The following FGF12 variants were observed in gnomAD, a reference collection of about 807,000 sequenced individuals.
FGF12 encodes the protein fibroblast growth factor 12B.
A neutral mutation model predicts 23.6 loss-of-function variants in FGF12; 14 were observed. That is an observed-to-expected ratio of 0.59 (90% CI 0.39 to 0.93). The LOEUF (loss-of-function observed/expected upper bound fraction) is 0.93. FGF12 is among the 40% of genes least tolerant of loss of function. FGF12 has a pLI of 0.00. For missense variants in FGF12, 175 were observed against 217.8 expected (o/e 0.80, Z 1.24); for synonymous variants, 62 against 77.3 (o/e 0.80, Z 1.04).
At chr3:192,536,259 T>C (rs2108853802) in intron 2 of FGF12, among the ~76,000 whole-genome samples, 1 of 152,298 alleles carries the variant, frequency 6.6e-6, no homozygotes, top group Middle Eastern at 3.4e-3. Flanking sequence ...AAAGGCTATA[T>C]GGTCCATAAA....
At chr3:192,313,214 G>T (rs1162717013) in intron 4 of FGF12, among the ~76,000 whole-genome samples, 2 of 152,034 alleles carry the variant, frequency 1.3e-5, no homozygotes, top group African/African-American at 4.8e-5. Flanking sequence ...GAGATGGAAG[G>T]TTTTTCATTT....
intron 2 of FGF12, among the ~76,000 whole-genome samples, chr3:192,497,021 T>C (rs1220620486): frequency 2.6e-5 from 4 of 152,210 alleles, no homozygotes; most frequent in African/African-American, 7.2e-5. Context: ...TGCTGATGAA[T>C]CACACACTCA....
intron 5 of FGF12, among the ~76,000 whole-genome samples, chr3:192,159,278 T>A (rs2108601595): frequency 6.6e-6 from 1 of 152,260 alleles, no homozygotes; most frequent in South Asian, 2.1e-4. Context: ...AAAGATCAAT[T>A]CTCATTTAGC....
At chr3:192,338,744 C>T (rs1717544726) in intron 3 of FGF12, among the ~76,000 whole-genome samples, 3 of 152,276 alleles carry the variant, frequency 2.0e-5, no homozygotes, top group South Asian at 2.1e-4. Context: ...AAAATAAGTC[C>T]TTGTTCTCTT....
chr3:192,411,988 T>G (rs1483187427), intron 2 of FGF12, among the ~76,000 whole-genome samples: 17 of 152,122 alleles, frequency 1.1e-4, no homozygotes, highest in Admixed American at 1.1e-3. Context: ...TGCATGAGAT[T>G]CACCTGAAAT....
At chr3:192,677,501 A>T (rs528947313) in intron 2 of FGF12, among the ~76,000 whole-genome samples, 2 of 152,334 alleles carry the variant, frequency 1.3e-5, no homozygotes, top group African/African-American at 4.8e-5. Context: ...AGTTGTTTCA[A>T]TATGAATATT....
intron 2 of FGF12, among the ~76,000 whole-genome samples, chr3:192,592,986 G>C (rs1475666129): frequency 6.6e-6 from 1 of 151,878 alleles, no homozygotes; most frequent in African/African-American, 2.4e-5. Context: ...CTGTACTACT[G>C]TGATTGCCTC....
At chr3:192,716,003 C>T (rs895456549) in intron 2 of FGF12, among the ~76,000 whole-genome samples, 1 of 152,238 alleles carries the variant, frequency 6.6e-6, no homozygotes, top group South Asian at 2.1e-4. Context: ...ATCCCTTATT[C>T]TGATATTTCT....
At chr3:192,352,350 T>A (rs985139915) in intron 3 of FGF12, among the ~76,000 whole-genome samples, 3 of 152,232 alleles carry the variant, frequency 2.0e-5, no homozygotes, top group Non-Finnish European at 2.9e-5. Flanking sequence ...CAGAATAATC[T>A]GGATGGCTTG....
intron 4 of FGF12, among the ~76,000 whole-genome samples, chr3:192,291,727 C>A (rs1464941): frequency 0.42 from 64,427 of 151,866 alleles, 14,584 homozygotes; most frequent in East Asian, 0.94. Context: ...ATGTGAGAAA[C>A]CTATGGAAAT....
chr3:192,148,052 T>C (rs1003054694), intron 5 of FGF12, among the ~76,000 whole-genome samples: 8 of 152,138 alleles, frequency 5.3e-5, no homozygotes, highest in African/African-American at 1.9e-4. Context: ...AATGAAATGG[T>C]GATTCCTCAA....
chr3:192,361,755 T>A (rs1364780435), intron 2 of FGF12, among the ~76,000 whole-genome samples: 2 of 152,200 alleles, frequency 1.3e-5, no homozygotes, highest in African/African-American at 2.4e-5. Flanking sequence ...CTACACCCTA[T>A]AACAAGTGTC....
intron 2 of FGF12, among the ~76,000 whole-genome samples, chr3:192,435,369 A>T (rs1417968406): frequency 6.6e-6 from 1 of 152,206 alleles, no homozygotes; most frequent in Non-Finnish European, 1.5e-5. Flanking sequence ...ATTGAAAACT[A>T]CTTAAAAGAG....
intron 5 of FGF12, among the ~76,000 whole-genome samples, chr3:192,158,340 T>TTCTTTC (rs1356075768): frequency 1.5e-5 from 1 of 67,782 alleles, no homozygotes; most frequent in East Asian, 3.4e-4. Flanking sequence ...TTCTCTTTCT[T>TTCTTTC]TCTTTCTTTC....
rs996060677 is a variant in FGF12, at chr3:192,139,508, G to C, written c.*4501C>G. 2 of 152,038 alleles carry C rather than the reference G, an allele frequency of 1.3e-5. No homozygotes were observed. The highest frequency in any genetic ancestry group is 6.5e-5 in the Admixed American group (1 of 15,276). 9.4% of individuals were successfully genotyped at this position (152,038 alleles called of 1,614,324 possible). On this transcript the variant is annotated 3_prime_UTR_variant, in exon 6 of 6. Coordinates refer to ENST00000445105, the MANE Select transcript of FGF12 (RefSeq NM_004113.6). ...TCTTAAGATTGTAACATTTAACCTT[G>C]TATTGGAGCTAATACCAATTCTAGC...
intron 5 of FGF12, among the ~76,000 whole-genome samples, chr3:192,158,294 C>CCTGCCTGCTT (rs1200205950): frequency 1.3e-5 from 2 of 150,634 alleles, no homozygotes; most frequent in Non-Finnish European, 3.0e-5. Context: ...AGGAAATAGA[C>CCTGCCTGCTT]CTGCCTGCTT....
In FGF12 at chr3:192,251,220, C is replaced by T. The variant is rs1042037892; in HGVS notation, c.229-80564G>A. On this transcript the variant is annotated intron_variant, in intron 4 of 5. Coordinates refer to ENST00000445105, the MANE Select transcript of FGF12 (RefSeq NM_004113.6). Reference sequence around the variant, plus strand: ...TATAACATGTTTCTCCTAGAAAGAGCTGCTTATCTTTTCCTAACTAAGAGC... The same window carrying T: ...TATAACATGTTTCTCCTAGAAAGAGTTGCTTATCTTTTCCTAACTAAGAGC... Among the ~76,000 whole-genome samples, 3 of 152,144 alleles carry T rather than the reference C, an allele frequency of 2.0e-5. No homozygotes were observed. The South Asian group carries it at 6.2e-4, about 32-fold the overall frequency.
intron 4 of FGF12, among the ~76,000 whole-genome samples, chr3:192,319,392 T>C (rs1008087106): frequency 6.6e-6 from 1 of 150,824 alleles, no homozygotes; most frequent in African/African-American, 2.4e-5. Flanking sequence ...AGGTCAGGAG[T>C]TCAAGACCAT....
intron 2 of FGF12, among the ~76,000 whole-genome samples, chr3:192,506,700 T>C (rs1724312986): frequency 6.6e-6 from 1 of 151,124 alleles, no homozygotes; most frequent in Admixed American, 6.6e-5. Flanking sequence ...AGTGTAGGGG[T>C]GCATAACTTA....
Sources: allele counts gnomAD v4.1 joint callset (sites outside exome capture counted in the v4.1 genomes callset), GRCh38; gene constraint gnomAD v4.1.1; transcripts MANE v1.5; gene names NCBI Gene and HGNC (gene_info 2026-07-23, HGNC 2026-07-21).